Variants in CERKL observed in about 807,000 individuals in gnomAD.
The protein encoded by CERKL is CERK like autophagy regulator, also known as ceramide kinase-like protein.
In CERKL, 61 loss-of-function variants were observed where a neutral mutation model predicts 63.4. The observed-to-expected ratio is 0.96, with a 90% confidence interval of 0.78 to 1.19. CERKL has a LOEUF of 1.19. Among genes scored for constraint, CERKL ranks in the 50% most tolerant of loss-of-function variants. The pLI is 0.00. For missense variants in CERKL, 675 were observed against 655.5 expected (o/e 1.03, Z -0.33); for synonymous variants, 250 against 230.5 (o/e 1.08, Z -0.77).
At chr2:181,603,732 A>C (rs1238582601) in intron 2 of CERKL, 105 bp downstream of exon 2, 5 of 1,144,368 alleles carry the variant, frequency 4.4e-6, no homozygotes, top group Non-Finnish European at 6.6e-6. Flanking sequence ...ACAGAAGGAA[A>C]CTATCTCAAC....
At chr2:181,586,048 T>C (rs1032962775) in intron 2 of CERKL, among the ~76,000 whole-genome samples, 8 of 151,960 alleles carry the variant, frequency 5.3e-5, no homozygotes, top group African/African-American at 1.9e-4. Context: ...ATTCACCCTA[T>C]GAAACTGCCA....
intron 2 of CERKL, among the ~76,000 whole-genome samples, chr2:181,576,728 T>C (rs1358473961): frequency 6.6e-6 from 1 of 152,232 alleles, no homozygotes; most frequent in Non-Finnish European, 1.5e-5. Flanking sequence ...TGGTTGTGCT[T>C]GGACTGAAGT....
intron 5 of CERKL, among the ~76,000 whole-genome samples, chr2:181,552,596 T>A (rs1445349972): frequency 2.6e-5 from 4 of 152,220 alleles, no homozygotes; most frequent in Non-Finnish European, 5.9e-5. Flanking sequence ...GGGTATTTCC[T>A]TATTGCAGCA....
At chr2:181,632,398 G>A (rs908933715) in intron 1 of CERKL, among the ~76,000 whole-genome samples, 12 of 152,296 alleles carry the variant, frequency 7.9e-5, no homozygotes, top group African/African-American at 2.2e-4. Context: ...AGGGAGAAAC[G>A]CAATGTTCCT....
chr2:181,635,521 G>A (rs1465833838), intron 1 of CERKL, among the ~76,000 whole-genome samples: 1 of 152,056 alleles, frequency 6.6e-6, no homozygotes, highest in Non-Finnish European at 1.5e-5. Context: ...TCTGTATGAT[G>A]AAAACCACAA....
At chr2:181,564,034 T>C (rs1003192593) in intron 4 of CERKL, among the ~76,000 whole-genome samples, 10 of 152,068 alleles carry the variant, frequency 6.6e-5, no homozygotes, top group African/African-American at 2.4e-4. Context: ...CCTCAGATCA[T>C]CAAGCATTAG....
At chr2:181,609,077 T>A (rs1304747248) in intron 1 of CERKL, among the ~76,000 whole-genome samples, 1 of 152,156 alleles carries the variant, frequency 6.6e-6, no homozygotes, top group Admixed American at 6.5e-5. Context: ...GTTCCAAGAT[T>A]ACATATTTTC....
intron 1 of CERKL, among the ~76,000 whole-genome samples, chr2:181,656,089 C>A (rs144399930): frequency 7.6e-4 from 116 of 152,158 alleles, no homozygotes; most frequent in African/African-American, 2.6e-3. Flanking sequence ...AATTTTAAGT[C>A]AATAAAAGGC....
intron 1 of CERKL, among the ~76,000 whole-genome samples, chr2:181,618,664 G>A (rs930404400): frequency 6.6e-5 from 10 of 151,990 alleles, no homozygotes; most frequent in African/African-American, 9.7e-5. Context: ...CACCCGCCTC[G>A]GCCTCGCATA....
rs545947389 is a variant in CERKL, at chr2:181,635,728, C to G, written c.238+21041G>C. Among the ~76,000 whole-genome samples the G allele has an allele frequency of 6.6e-5, 10 of 152,242 alleles. No homozygotes were observed. The South Asian group carries it at 2.1e-3, about 32-fold the overall frequency. ...CTTAATTTGGGGTAAATATTAATTACTTGTATTAGACAAAATAATACCAAC... is the reference window on the plus strand; with the variant it reads ...CTTAATTTGGGGTAAATATTAATTAGTTGTATTAGACAAAATAATACCAAC... On this transcript the variant is annotated intron_variant, in intron 1 of 12. Transcript: ENST00000410087.
At chr2:181,555,924 T>C (rs994756434) in intron 5 of CERKL, among the ~76,000 whole-genome samples, 1 of 152,126 alleles carries the variant, frequency 6.6e-6, no homozygotes, top group Non-Finnish European at 1.5e-5. Context: ...AGCTCATTTT[T>C]GTATTTTTAG....
At position 181,573,895 on chromosome 2, in the gene CERKL, AT is replaced by A. The variant is rs751226311; in HGVS notation, c.482-12del. ...GTCTGTTTGGAAAGCCTAAGAAGAA[AT>A]TTTAAAGACAAAGTTGTAAAGTCCT... On this transcript the variant is annotated splice_polypyrimidine_tract_variant and intron_variant, in intron 2 of 12. Coordinates refer to ENST00000410087, the MANE Select transcript of CERKL (RefSeq NM_201548.5). 1 of 1,611,600 alleles carries A rather than the reference AT, an allele frequency of 6.2e-7. No homozygotes were observed. Among genetic ancestry groups the A allele is most frequent in the Non-Finnish European group, 8.5e-7 (1 of 1,178,712 alleles).
intron 10 of CERKL, among the ~76,000 whole-genome samples, chr2:181,546,430 G>A (rs1260996032): frequency 1.3e-5 from 2 of 152,120 alleles, no homozygotes; most frequent in African/African-American, 4.8e-5. Context: ...CAGCTATCTA[G>A]GATTTCTGAA....
In CERKL at chr2:181,538,122, A is replaced by C. The variant is rs772596784; in HGVS notation, c.*62T>G. 9.8e-5 allele frequency: 106 copies of C among 1,082,660 alleles called. No individual in the cohort carries two copies. The highest frequency in any genetic ancestry group is 2.0e-4 in the African/African-American group (13 of 64,394). 67.1% of individuals were successfully genotyped at this position (1,082,660 alleles called of 1,614,324 possible). A position where few individuals can be genotyped will look rare whatever the true frequency, so the allele number is the denominator to read the frequency against. Reference sequence around the variant, plus strand: ...AGGGTGGGGACCACAGGTTTAAAGCATGGCCACATTTCTTTATATTAAAAT... The same window carrying C: ...AGGGTGGGGACCACAGGTTTAAAGCCTGGCCACATTTCTTTATATTAAAAT... On this transcript the variant is annotated 3_prime_UTR_variant, in exon 13 of 13. Coordinates refer to ENST00000410087, the MANE Select transcript of CERKL (RefSeq NM_201548.5).
intron 1 of CERKL, among the ~76,000 whole-genome samples, chr2:181,653,991 T>C (rs1029985020): frequency 1.3e-5 from 2 of 152,170 alleles, no homozygotes; most frequent in Admixed American, 6.5e-5. Flanking sequence ...ACAACGTAAA[T>C]ATCAAAACAT....
intron 11 of CERKL, among the ~76,000 whole-genome samples, chr2:181,540,660 T>A (rs74452792): frequency 0.15 from 23,305 of 152,134 alleles, 2,066 homozygotes; most frequent in African/African-American, 0.22. Flanking sequence ...TCATGTGCAC[T>A]CCTCACAAAA....
rs1240130784 is a variant in CERKL at position 181,537,955 on chromosome 2, A to ATGGTGAACTGGTATGTGAGGGATCT, written c.*204_*228dup. On this transcript the variant is annotated 3_prime_UTR_variant, in exon 13 of 13. Transcript: ENST00000410087. Reference sequence around the variant, plus strand: ...AGATTCTCATAGAAGTGCGAACCATATGGTGAACTGGTATGTGAGGGATCT... The same window carrying ATGGTGAACTGGTATGTGAGGGATCT: ...AGATTCTCATAGAAGTGCGAACCATATGGTGAACTGGTATGTGAGGGATCTTGGTGAACTGGTATGTGAGGGATCT... 1 of 636,946 alleles carries ATGGTGAACTGGTATGTGAGGGATCT rather than the reference A, an allele frequency of 1.6e-6. No homozygotes were observed. Among genetic ancestry groups the ATGGTGAACTGGTATGTGAGGGATCT allele is most frequent in the South Asian group, 1.5e-5 (1 of 66,012 alleles). The allele number at this position is 636,946 out of a possible 1,614,324, so 39.5% of individuals were successfully genotyped here.
intron 1 of CERKL, among the ~76,000 whole-genome samples, chr2:181,649,221 T>C (rs1485084774): frequency 6.6e-6 from 1 of 152,144 alleles, no homozygotes; most frequent in African/African-American, 2.4e-5. Context: ...AGATATTCCA[T>C]GCAATCAGAA....
In CERKL at chr2:181,657,029, G is replaced by A. The variant is rs755065546; in HGVS notation, c.-23C>T. 1 of 1,561,728 alleles carries A rather than the reference G, an allele frequency of 6.4e-7. No homozygotes were observed. Among genetic ancestry groups the A allele is most frequent in the Non-Finnish European group, 8.6e-7 (1 of 1,156,564 alleles). On this transcript the variant is annotated 5_prime_UTR_variant, in exon 1 of 13. Transcript: ENST00000410087. The stretch of plus-strand genomic sequence containing the variant: ...CATGGCGGAGTCGCAGGCTGGGCCC[G>A]AGCCAGGGGTCCGGGGAGGCCTTTG...
Sources: allele counts gnomAD v4.1 joint callset (sites outside exome capture counted in the v4.1 genomes callset), GRCh38; gene constraint gnomAD v4.1.1; transcripts MANE v1.5; gene names NCBI Gene and HGNC (gene_info 2026-07-23, HGNC 2026-07-21).